Variants in DAPK1 observed in about 807,000 individuals in gnomAD.
DAPK1 encodes death-associated protein kinase 1.
A neutral mutation model predicts 144.9 loss-of-function variants in DAPK1; 56 were observed. The ratio of observed to expected loss-of-function variants is 0.39; its 90% CI spans 0.31 to 0.48. DAPK1 has a LOEUF of 0.48. DAPK1 is among the 20% of genes least tolerant of loss of function. The pLI, the probability that DAPK1 is intolerant of heterozygous loss-of-function variation, is 0.95. For synonymous variants in DAPK1, 690 were observed against 749.0 expected (o/e 0.92, Z 1.29); for missense variants, 1,454 against 1,875.4 (o/e 0.78, Z 4.15).
intron 3 of DAPK1, among the ~76,000 whole-genome samples, chr9:87,614,574 A>T (rs1388468343): frequency 6.6e-6 from 1 of 152,028 alleles, no homozygotes; most frequent in Non-Finnish European, 1.5e-5. Flanking sequence ...CCCTGATCTC[A>T]TATCTTCTTC....
rs36230885 is a variant in DAPK1, at chr9:87,530,474, T to G, written c.62+31335T>G. Among the ~76,000 whole-genome samples, 1,444 of 152,318 alleles carry G rather than the reference T, an allele frequency of 9.5e-3. 21 individuals carry two copies. The highest frequency in any genetic ancestry group is 0.033 in the African/African-American group (1,374 of 41,578). ...CAGTGTCTCCAAGGGTCAAATCTTATGTCTACTTTCCTTAACCCGTTTTGA... is the reference window on the plus strand; with the variant it reads ...CAGTGTCTCCAAGGGTCAAATCTTAGGTCTACTTTCCTTAACCCGTTTTGA... On this transcript the variant is annotated intron_variant, in intron 2 of 25. Coordinates refer to ENST00000408954, the MANE Select transcript of DAPK1 (RefSeq NM_004938.4).
In DAPK1 at chr9:87,646,503, ATTCAAATAC is replaced by A; in HGVS notation, c.1176_1184del (p.Ile394_Gln396del). 2 of 1,614,110 alleles carry A rather than the reference ATTCAAATAC, an allele frequency of 1.2e-6. No individual in the cohort carries two copies. Among genetic ancestry groups the A allele is most frequent in the Non-Finnish European group, 1.7e-6 (2 of 1,179,942 alleles). The stretch of plus-strand genomic sequence containing the variant: ...ACTCATTGCTGCTGGCTGTGGGAAT[ATTCAAATAC>A]TACAGTTGCTCATTAAAAGAGGCTC... On this transcript the variant is annotated inframe_deletion, in exon 13 of 26. Transcript: ENST00000408954.
intron 2 of DAPK1, among the ~76,000 whole-genome samples, chr9:87,533,708 G>T (rs989117527): frequency 3.3e-5 from 5 of 152,098 alleles, no homozygotes; most frequent in African/African-American, 1.2e-4. Context: ...TGTCACCCAG[G>T]CTGGAGTGCA....
intron 2 of DAPK1, among the ~76,000 whole-genome samples, chr9:87,592,488 G>A (rs2118892402): frequency 6.6e-6 from 1 of 152,324 alleles, no homozygotes. Flanking sequence ...CCCTGCTTCA[G>A]GAGATACCAA....
chr9:87,603,807 C>T (rs1239629891), intron 2 of DAPK1, among the ~76,000 whole-genome samples: 3 of 152,110 alleles, frequency 2.0e-5, no homozygotes, highest in Non-Finnish European at 2.9e-5. Flanking sequence ...ATCAGTGGGG[C>T]CTGTGTACCT....
chr9:87,515,640 T>G lies in DAPK1; in HGVS notation c.62+16501T>G, dbSNP rs942856523. 3.9e-5 allele frequency among the ~76,000 whole-genome samples: 6 copies of G among 152,172 alleles called. 1 individual carries two copies. The East Asian group carries it at 1.2e-3, about 29-fold the overall frequency. On this transcript the variant is annotated intron_variant, in intron 2 of 25. Coordinates refer to ENST00000408954, the MANE Select transcript of DAPK1 (RefSeq NM_004938.4). ...AGGTCACAAGTGGTGGACACTGCAG[T>G]GTTTGCACTAAATACCCACCTGGTG...
At chr9:87,537,265 C>T (rs1045857311) in intron 2 of DAPK1, among the ~76,000 whole-genome samples, 1 of 152,164 alleles carries the variant, frequency 6.6e-6, no homozygotes, top group Non-Finnish European at 1.5e-5. Context: ...GGATTACAGG[C>T]GTGAGCCACC....
At chr9:87,606,548 C>T (rs1400060471) in intron 3 of DAPK1, among the ~76,000 whole-genome samples, 2 of 102,130 alleles carry the variant, frequency 2.0e-5, no homozygotes, top group African/African-American at 8.3e-5. Flanking sequence ...CTCCCTCCCT[C>T]TCTCCCTCTC....
At chr9:87,671,332 G>A (rs1421073255) in intron 19 of DAPK1, among the ~76,000 whole-genome samples, 1 of 151,790 alleles carries the variant, frequency 6.6e-6, no homozygotes, top group East Asian at 1.9e-4. Context: ...AAAGAGATGG[G>A]AAGTGAACTA....
chr9:87,553,222 CCTTGA>C (rs762658053), intron 2 of DAPK1, among the ~76,000 whole-genome samples: 2 of 151,044 alleles, frequency 1.3e-5, no homozygotes, highest in Non-Finnish European at 3.0e-5. Context: ...GTATTTTTTT[CCTTGA>C]CTTGTGTCTG....
rs36231437 is a variant in DAPK1, at chr9:87,535,869, A to G, written c.62+36730A>G. ...ACACAGATGTAAACCGGAAGGCCCAAGGTTCTTATCTTTGGGCAGAGGATT... is the reference window on the plus strand; with the variant it reads ...ACACAGATGTAAACCGGAAGGCCCAGGGTTCTTATCTTTGGGCAGAGGATT... On this transcript the variant is annotated intron_variant, in intron 2 of 25. Coordinates refer to ENST00000408954, the MANE Select transcript of DAPK1 (RefSeq NM_004938.4). Among the ~76,000 whole-genome samples the G allele has an allele frequency of 8.5e-3, 1,288 of 152,318 alleles. 11 individuals are homozygous for G. Among genetic ancestry groups the G allele is most frequent in the Non-Finnish European group, 0.014 (941 of 68,032 alleles).
At chr9:87,645,479 G>GCA (rs1830235440) in intron 11 of DAPK1, among the ~76,000 whole-genome samples, 1 of 152,138 alleles carries the variant, frequency 6.6e-6, no homozygotes, top group Non-Finnish European at 1.5e-5. Context: ...TTATTCAAAG[G>GCA]TATCATTTCT....
intron 21 of DAPK1, among the ~76,000 whole-genome samples, chr9:87,690,205 TAG>T (rs1430154969): frequency 3.0e-4 from 45 of 152,274 alleles, no homozygotes; most frequent in African/African-American, 7.7e-4. Context: ...CTTTTCCTTG[TAG>T]GGGTCTTTCA....
chr9:87,551,582 G>A (rs549797517), intron 2 of DAPK1, among the ~76,000 whole-genome samples: 1 of 152,332 alleles, frequency 6.6e-6, no homozygotes, highest in South Asian at 2.1e-4. Flanking sequence ...CAGGACAGTA[G>A]TGACAGTGGA....
rs936181246 is a variant in DAPK1, at chr9:87,497,911, G to C, written c.-305G>C. ...ACAGCCGGACCGAGCCAACGCCGGGGACTTTGTTCCCTCCGCGGAGGGGAC... is the reference window on the plus strand; with the variant it reads ...ACAGCCGGACCGAGCCAACGCCGGGCACTTTGTTCCCTCCGCGGAGGGGAC... On this transcript the variant is annotated 5_prime_UTR_variant, in exon 1 of 26. Transcript: ENST00000408954. The C allele has an allele frequency of 1.8e-5, 7 of 395,320 alleles. No individual in the cohort carries two copies. Among genetic ancestry groups the C allele is most frequent in the Non-Finnish European group, 3.1e-5 (7 of 224,518 alleles). The allele number at this position is 395,320 out of a possible 1,614,324, so 24.5% of individuals were successfully genotyped here.
chr9:87,553,970 ACT>A (rs1826602728), intron 2 of DAPK1: 1 of 152,166 alleles, frequency 6.6e-6, no homozygotes, highest in Admixed American at 6.5e-5. Flanking sequence ...CGATCGGGAA[ACT>A]CTGCTGTCAA....
intron 2 of DAPK1, among the ~76,000 whole-genome samples, chr9:87,556,506 A>T (rs1266231187): frequency 6.6e-6 from 1 of 152,200 alleles, no homozygotes; most frequent in East Asian, 1.9e-4. Flanking sequence ...TATTCTGGCC[A>T]CATCAGTGAA....
chr9:87,639,179 C>G (rs2119128419), intron 4 of DAPK1, among the ~76,000 whole-genome samples, 175 bp from the exon 5 acceptor site: 1 of 152,230 alleles, frequency 6.6e-6, no homozygotes, highest in Non-Finnish European at 1.5e-5. Flanking sequence ...TGTCTCAGGC[C>G]TGCTTCAGGG....
chr9:87,649,976 A>G lies in DAPK1; in HGVS notation c.1484A>G (p.Lys495Arg), dbSNP rs1830389084. ...AAWHGYYSVA[K>R]ALCEAGCNVN... ...TGGCACGGCTATTACTCTGTGGCCA[A>G]AGCCCTTTGTGAAGCCGGCTGTAAC... Residue 495 changes from lysine to arginine, a missense_variant, in exon 16 of 26, where the codon AAA becomes AGA. By Grantham distance (26) the Lys-to-Arg change is conservative. Coordinates refer to ENST00000408954, the MANE Select transcript of DAPK1 (RefSeq NM_004938.4). 1 of 1,614,092 alleles carries G rather than the reference A, an allele frequency of 6.2e-7. No individual in the cohort carries two copies. The highest frequency in any genetic ancestry group is 1.3e-5 in the African/African-American group (1 of 74,930).
Sources: allele counts gnomAD v4.1 joint callset (sites outside exome capture counted in the v4.1 genomes callset), GRCh38; gene constraint gnomAD v4.1.1; transcripts MANE v1.5; gene names NCBI Gene and HGNC (gene_info 2026-07-23, HGNC 2026-07-21).